Variants in PLCL1 observed in about 807,000 individuals in gnomAD.
PLCL1 encodes the protein inactive phospholipase C-like protein 1.
Under a neutral mutation model 84.4 loss-of-function variants are expected in PLCL1, and 41 were observed. The ratio of observed to expected loss-of-function variants is 0.49; its 90% CI spans 0.38 to 0.63. The LOEUF (loss-of-function observed/expected upper bound fraction) is 0.63, where lower values mean the gene tolerates loss of function less well. PLCL1 is among the 30% of genes least tolerant of loss of function. PLCL1 has a pLI of 0.00. For synonymous variants in PLCL1, 490 were observed against 488.3 expected (o/e 1.00, Z -0.05); for missense variants, 1,206 against 1,367.8 (o/e 0.88, Z 1.87).
chr2:197,987,650 T>C (rs35293068), intron 1 of PLCL1, among the ~76,000 whole-genome samples: 3,586 of 152,322 alleles, frequency 0.024, 82 homozygotes, highest in Non-Finnish European at 0.03. Context: ...AGAGCCCTTT[T>C]TTGGATCCTG....
At chr2:197,958,306 A>G (rs1397211543) in intron 1 of PLCL1, among the ~76,000 whole-genome samples, 1 of 152,000 alleles carries the variant, frequency 6.6e-6, no homozygotes, top group Non-Finnish European at 1.5e-5. Context: ...CATTAGAAGA[A>G]GAATTGTCTT....
At chr2:197,870,988 A>G (rs34608683) in intron 1 of PLCL1, among the ~76,000 whole-genome samples, 40,337 of 151,962 alleles carry the variant, frequency 0.27, 6,620 homozygotes, top group Middle Eastern at 0.44. Context: ...TTTTCTGGAT[A>G]TTAAACTACA....
intron 1 of PLCL1, among the ~76,000 whole-genome samples, chr2:197,904,496 G>C: frequency 6.6e-6 from 1 of 152,144 alleles, no homozygotes; most frequent in African/African-American, 2.4e-5. Context: ...TCCTTTATTG[G>C]TTTTTTCTTG....
chr2:197,866,996 A>G (rs1687562988), intron 1 of PLCL1, among the ~76,000 whole-genome samples: 1 of 152,188 alleles, frequency 6.6e-6, no homozygotes, highest in African/African-American at 2.4e-5. Context: ...ACGCACACTA[A>G]TGGATTGAAA....
intron 2 of PLCL1, among the ~76,000 whole-genome samples, chr2:198,087,120 T>G (rs1403414240): frequency 6.6e-6 from 1 of 152,242 alleles, no homozygotes; most frequent in Non-Finnish European, 1.5e-5. Flanking sequence ...TGTGGTTTAA[T>G]TGAAAGAACA....
intron 1 of PLCL1, among the ~76,000 whole-genome samples, chr2:198,056,260 G>C (rs564089054): frequency 5.3e-5 from 8 of 152,074 alleles, no homozygotes; most frequent in Non-Finnish European, 8.8e-5. Context: ...CATCAGGAAG[G>C]CTTTTGGTTT....
chr2:198,010,867 T>A (rs1690853611), intron 1 of PLCL1, among the ~76,000 whole-genome samples: 1 of 151,868 alleles, frequency 6.6e-6, no homozygotes, highest in Non-Finnish European at 1.5e-5. Flanking sequence ...CTTGATAGGT[T>A]GTATGTTTCT....
At chr2:197,897,279 T>C (rs1688172163) in intron 1 of PLCL1, among the ~76,000 whole-genome samples, 1 of 151,936 alleles carries the variant, frequency 6.6e-6, no homozygotes, top group African/African-American at 2.4e-5. Flanking sequence ...ACTTGTTATA[T>C]GTTGTATCTA....
chr2:197,914,396 C>A (rs997359660), intron 1 of PLCL1, among the ~76,000 whole-genome samples: 2 of 150,798 alleles, frequency 1.3e-5, no homozygotes, highest in South Asian at 4.2e-4. Flanking sequence ...CTGGCACAAT[C>A]TCGGCTCACC....
chr2:197,879,312 A>G (rs1163739969), intron 1 of PLCL1, among the ~76,000 whole-genome samples: 1 of 152,178 alleles, frequency 6.6e-6, no homozygotes, highest in Admixed American at 6.5e-5. Flanking sequence ...GGAATTTCTA[A>G]TTTGGGCTTG....
rs1460334628 is a variant in PLCL1, at chr2:198,104,815, C to T, written c.3105+879C>T. On this transcript the variant is annotated intron_variant, in intron 5 of 5. Transcript: ENST00000428675. The stretch of plus-strand genomic sequence containing the variant: ...AACACCTTTTTATATGCTTGTTGGC[C>T]GCGTATATGTCTTCTTTTGAAAAGT... Among the ~76,000 whole-genome samples, 8 of 151,848 alleles carry T rather than the reference C, an allele frequency of 5.3e-5. No individual in the cohort carries two copies. In the South Asian group the frequency reaches 1.0e-3, roughly 20 times the overall value.
At chr2:198,132,962 G>A (rs1694157430) in intron 5 of PLCL1, among the ~76,000 whole-genome samples, 1 of 151,368 alleles carries the variant, frequency 6.6e-6, no homozygotes, top group Non-Finnish European at 1.5e-5. Context: ...ATGGTTTTAG[G>A]TCTAACGTTT....
chr2:198,133,479 A>G (rs1204339559), intron 5 of PLCL1, among the ~76,000 whole-genome samples: 1 of 151,466 alleles, frequency 6.6e-6, no homozygotes, highest in Non-Finnish European at 1.5e-5. Flanking sequence ...ATACATATGT[A>G]ACTAACCTGC....
At chr2:197,886,698 T>G (rs1048561952) in intron 1 of PLCL1, among the ~76,000 whole-genome samples, 6 of 152,190 alleles carry the variant, frequency 3.9e-5, no homozygotes, top group Non-Finnish European at 8.8e-5. Flanking sequence ...TCTTTGACAC[T>G]AAGGGCTATT....
At chr2:198,137,667 C>T (rs992260216) in intron 5 of PLCL1, among the ~76,000 whole-genome samples, 2 of 152,130 alleles carry the variant, frequency 1.3e-5, no homozygotes, top group African/African-American at 4.8e-5. Flanking sequence ...ATGAAGATGC[C>T]TGCTCATCTT....
At chr2:198,022,390 G>A (rs900031675) in intron 1 of PLCL1, among the ~76,000 whole-genome samples, 3 of 152,192 alleles carry the variant, frequency 2.0e-5, no homozygotes, top group African/African-American at 7.2e-5. Context: ...AGTATTGGAA[G>A]TTCTGGCCAG....
chr2:197,910,976 C>A (rs1359062536), intron 1 of PLCL1, among the ~76,000 whole-genome samples: 3 of 152,100 alleles, frequency 2.0e-5, no homozygotes, highest in African/African-American at 4.8e-5. Context: ...TTAAAGTAAA[C>A]TAAGCCTGAA....
chr2:197,916,725 T>C (rs1688607009), intron 1 of PLCL1, among the ~76,000 whole-genome samples: 1 of 151,426 alleles, frequency 6.6e-6, no homozygotes, highest in African/African-American at 2.4e-5. Context: ...AAATCAAAGA[T>C]GGACTCTGAT....
chr2:198,044,448 T>G (rs1173589359), intron 1 of PLCL1, among the ~76,000 whole-genome samples: 1 of 152,208 alleles, frequency 6.6e-6, no homozygotes, highest in Non-Finnish European at 1.5e-5. Context: ...TATAAAGAAC[T>G]TTGCTCTCAA....
Sources: gnomAD v4.1 joint callset for allele counts (sites outside exome capture counted in the v4.1 genomes callset) on GRCh38, gnomAD v4.1.1 for gene constraint, MANE v1.5 for transcripts, NCBI Gene and HGNC (gene_info 2026-07-23, HGNC 2026-07-21) for gene names.